The following PTPRD variants were observed in gnomAD, a reference collection of about 807,000 sequenced individuals.
PTPRD encodes protein tyrosine phosphatase receptor type D, also known as receptor-type tyrosine-protein phosphatase delta.
In PTPRD, 34 loss-of-function variants were observed where a neutral mutation model predicts 214.5. The observed-to-expected ratio is 0.16, with a 90% confidence interval of 0.12 to 0.21. The LOEUF is 0.21. Among genes scored for constraint, PTPRD ranks in the 10% least tolerant of loss-of-function variants. PTPRD has a pLI of 1.00. For synonymous variants in PTPRD, 1,128 were observed against 845.7 expected (o/e 1.33, Z -5.79); for missense variants, 2,545 against 2,398.7 (o/e 1.06, Z -1.27).
rs532480082 is a variant in PTPRD at position 10,125,515 on chromosome 9, C to T, written c.-544-91725G>A. ...TGTTCCCCAGGTTGTAGTGCAGTGG[C>T]GCAATCTCGGCTCACTGCAAGCTCT... On this transcript the variant is annotated intron_variant, in intron 3 of 45. Coordinates refer to ENST00000381196, the MANE Select transcript of PTPRD (RefSeq NM_002839.4). Among the ~76,000 whole-genome samples, 1,138 of 148,558 alleles carry T rather than the reference C, an allele frequency of 7.7e-3. 10 individuals carry two copies. Among genetic ancestry groups the T allele is most frequent in the African/African-American group, 0.026 (1,043 of 40,512 alleles).
At chr9:10,006,994 T>C (rs1178294491) in intron 4 of PTPRD, among the ~76,000 whole-genome samples, 1 of 152,024 alleles carries the variant, frequency 6.6e-6, no homozygotes, top group African/African-American at 2.4e-5. Flanking sequence ...AATTTTAATG[T>C]AACAAATCCC....
chr9:9,146,168 C>A (rs2099868267), intron 10 of PTPRD, among the ~76,000 whole-genome samples: 1 of 152,192 alleles, frequency 6.6e-6, no homozygotes, highest in Non-Finnish European at 1.5e-5. Context: ...TCCAGAATAT[C>A]ATGCCTGTAG....
At chr9:8,890,003 A>G (rs1432220385) in intron 11 of PTPRD, among the ~76,000 whole-genome samples, 1 of 152,134 alleles carries the variant, frequency 6.6e-6, no homozygotes, top group African/African-American at 2.4e-5. Flanking sequence ...ATCAAATGGT[A>G]ATTCTGCTTT....
intron 9 of PTPRD, among the ~76,000 whole-genome samples, chr9:9,320,257 CT>C (rs1032046414): frequency 9.3e-5 from 14 of 151,348 alleles, no homozygotes; most frequent in East Asian, 3.9e-4. Context: ...GGAAGACCTA[CT>C]TTTTTTTTCC....
At chr9:9,356,063 A>T (rs569340851) in intron 9 of PTPRD, among the ~76,000 whole-genome samples, 1 of 151,538 alleles carries the variant, frequency 6.6e-6, no homozygotes, top group South Asian at 2.1e-4. Context: ...ATGGAGTAAA[A>T]GCCTAACTAT....
chr9:9,691,221 A>C (rs2097264497), intron 7 of PTPRD, among the ~76,000 whole-genome samples: 1 of 151,912 alleles, frequency 6.6e-6, no homozygotes, highest in Non-Finnish European at 1.5e-5. Context: ...GTTTTGTGAA[A>C]AAATACCAGA....
At chr9:10,385,819 T>C (rs1192202098) in intron 2 of PTPRD, among the ~76,000 whole-genome samples, 1 of 151,400 alleles carries the variant, frequency 6.6e-6, no homozygotes, top group East Asian at 2.0e-4. Flanking sequence ...AGGTGATAGA[T>C]GGTCAATAAT....
intron 8 of PTPRD, among the ~76,000 whole-genome samples, chr9:9,423,051 C>T (rs992682321): frequency 2.0e-5 from 3 of 152,248 alleles, no homozygotes; most frequent in African/African-American, 7.2e-5. Context: ...TTTGAAAATT[C>T]TAAACCTCAT....
At chr9:9,539,558 G>A (rs1157919282) in intron 8 of PTPRD, among the ~76,000 whole-genome samples, 1 of 151,814 alleles carries the variant, frequency 6.6e-6, no homozygotes, top group Non-Finnish European at 1.5e-5. Context: ...TTAACTATGT[G>A]TGGCCTTTAG....
intron 14 of PTPRD, among the ~76,000 whole-genome samples, chr9:8,578,114 G>A (rs1033958268): frequency 5.9e-5 from 9 of 151,954 alleles, no homozygotes; most frequent in African/African-American, 2.2e-4. Context: ...GCATGCTATC[G>A]GTCTGTACAT....
intron 9 of PTPRD, among the ~76,000 whole-genome samples, chr9:9,328,497 G>A (rs1309492341): frequency 6.6e-6 from 1 of 151,624 alleles, no homozygotes; most frequent in Non-Finnish European, 1.5e-5. Flanking sequence ...GCTTCAACCT[G>A]GCTGGTAACT....
chr9:10,593,047 G>C (rs1028284800), intron 2 of PTPRD, among the ~76,000 whole-genome samples: 2 of 151,936 alleles, frequency 1.3e-5, no homozygotes, highest in Non-Finnish European at 2.9e-5. Flanking sequence ...AAGGTCTGCG[G>C]CATCATTCTT....
At chr9:10,183,135 A>T (rs1017358124) in intron 3 of PTPRD, among the ~76,000 whole-genome samples, 1 of 152,194 alleles carries the variant, frequency 6.6e-6, no homozygotes, top group Non-Finnish European at 1.5e-5. Flanking sequence ...AGATCCTAGC[A>T]CATAGTAAAG....
chr9:8,681,600 T>A (rs1426585491), intron 12 of PTPRD, among the ~76,000 whole-genome samples: 1 of 152,152 alleles, frequency 6.6e-6, no homozygotes, highest in East Asian at 1.9e-4. Flanking sequence ...GAGAAGCTTC[T>A]CCAACCAAGA....
intron 10 of PTPRD, among the ~76,000 whole-genome samples, chr9:9,176,060 G>C (rs2099924658): frequency 6.6e-6 from 1 of 152,064 alleles, no homozygotes; most frequent in Non-Finnish European, 1.5e-5. Flanking sequence ...TAATAATTCA[G>C]CAATCTCACA....
chr9:9,930,942 C>T (rs1602592904), intron 5 of PTPRD, among the ~76,000 whole-genome samples: 1 of 151,730 alleles, frequency 6.6e-6, no homozygotes, highest in Non-Finnish European at 1.5e-5. Flanking sequence ...CATGACTCTC[C>T]CGAATTCATA....
intron 8 of PTPRD, among the ~76,000 whole-genome samples, chr9:9,465,835 T>C (rs529656094): frequency 4.6e-5 from 7 of 152,028 alleles, no homozygotes; most frequent in Non-Finnish European, 7.4e-5. Flanking sequence ...CAGAATGCTA[T>C]TGGTAAGGAG....
At chr9:8,581,118 C>T (rs2093032617) in intron 14 of PTPRD, among the ~76,000 whole-genome samples, 2 of 152,098 alleles carry the variant, frequency 1.3e-5, no homozygotes, top group South Asian at 4.1e-4. Flanking sequence ...AGGGTGAGTT[C>T]TACCTGGAAG....
intron 5 of PTPRD, among the ~76,000 whole-genome samples, chr9:9,871,501 G>A (rs997590339): frequency 6.6e-5 from 10 of 152,154 alleles, no homozygotes; most frequent in African/African-American, 2.4e-4. Flanking sequence ...CAGGGGAGCC[G>A]CTGTATTTCT....
Sources: gnomAD v4.1 joint callset for allele counts (sites outside exome capture counted in the v4.1 genomes callset) on GRCh38, gnomAD v4.1.1 for gene constraint, MANE v1.5 for transcripts, NCBI Gene and HGNC (gene_info 2026-07-23, HGNC 2026-07-21) for gene names.